The following TNRC18 variants were observed in gnomAD, a reference collection of about 807,000 sequenced individuals.
TNRC18 encodes trinucleotide repeat-containing gene 18 protein.
A neutral mutation model predicts 226.7 loss-of-function variants in TNRC18; 69 were observed. The ratio of observed to expected loss-of-function variants is 0.30; its 90% CI spans 0.25 to 0.37. TNRC18 has a LOEUF of 0.37. Ranked by LOEUF, TNRC18 falls within the 10% of genes least tolerant of loss-of-function variation. TNRC18 has a pLI of 1.00. For synonymous variants in TNRC18, 2,449 were observed against 1,927.6 expected, an observed-to-expected ratio of 1.27 and a Z score of -7.09; for missense variants, 4,754 against 4,256.6, an observed-to-expected ratio of 1.12 and a Z score of -3.25.
intron 25 of TNRC18, 111 bp from the exon 26 acceptor site, chr7:5,315,259 C>A: frequency 8.2e-7 from 1 of 1,225,360 alleles, no homozygotes; most frequent in African/African-American, 1.5e-5. Context: ...CAACCGACAC[C>A]AGGTGGCTGA....
intron 27 of TNRC18, among the ~76,000 whole-genome samples, chr7:5,310,876 G>A (rs1471110413): frequency 6.6e-6 from 1 of 152,262 alleles, no homozygotes; most frequent in Non-Finnish European, 1.5e-5. Context: ...ATATGTGCCT[G>A]TGTGTGCACA....
intron 15 of TNRC18, 105 bp downstream of exon 15, chr7:5,359,293 T>G: frequency 2.5e-6 from 3 of 1,198,256 alleles, no homozygotes; most frequent in Admixed American, 2.0e-5. Context: ...CTTCTAAGGT[T>G]TCTGTACAGG....
In TNRC18 at chr7:5,316,217, C is replaced by T. The variant is rs4236384; in HGVS notation, c.6746-145G>A. On this transcript the variant is annotated intron_variant, in intron 24 of 29. Transcript: ENST00000430969. Reference sequence around the variant, plus strand: ...GGGGACATGGGTGGAGGGTATACAGCGGCTCAGAATGTGGGTGTTAGAGCC... The same window carrying T: ...GGGGACATGGGTGGAGGGTATACAGTGGCTCAGAATGTGGGTGTTAGAGCC... 456,849 of 537,080 alleles carry T rather than the reference C, an allele frequency of 0.85. 194,474 individuals are homozygous for T. Among genetic ancestry groups the T allele is most frequent in the East Asian group, 0.97 (27,076 of 28,038 alleles). The allele number at this position is 537,080 out of a possible 1,614,324, so 33.3% of individuals were successfully genotyped here.
chr7:5,327,376 T>C (rs1345271327), intron 19 of TNRC18, among the ~76,000 whole-genome samples: 17 of 78,146 alleles, frequency 2.2e-4, no homozygotes, highest in African/African-American at 8.6e-4. Flanking sequence ...TTTGTGCGTG[T>C]GTGTGTGTGT....
Position 5,313,825 on chromosome 7 carries a change from C to T in TNRC18, c.7066G>A (p.Glu2356Lys), listed in dbSNP as rs540075583. 6.1e-5 allele frequency: 92 copies of T among 1,505,422 alleles called. 1 individual carries two copies. Among genetic ancestry groups the T allele is most frequent in the Non-Finnish European group, 3.5e-5 (39 of 1,127,464 alleles). The allele number at this position is 1,505,422 out of a possible 1,614,324, so 93.3% of individuals were successfully genotyped here. A position where few individuals can be genotyped will look rare whatever the true frequency, so the allele number is the denominator to read the frequency against. Residue 2356 changes from glutamate (E) to lysine (K), a missense_variant, in exon 27 of 30, where the codon GAG (glutamate) becomes AAG (lysine). Coordinates refer to ENST00000430969, the MANE Select transcript of TNRC18 (RefSeq NM_001080495.3). Reference protein sequence around the residue: ...ATLEEGNPTDEVPSTPLALEP... With the variant: ...ATLEEGNPTDKVPSTPLALEP... ...AGGGCTAAGGGGGTACTGGGGACCTCGTCTGTTGGGTTCCCCTCCTCCAGG... is the reference window on the plus strand; with the variant it reads ...AGGGCTAAGGGGGTACTGGGGACCTTGTCTGTTGGGTTCCCCTCCTCCAGG...
chr7:5,389,359 C>T, intron 4 of TNRC18, 23 bp from the exon 5 acceptor site: 1 of 1,251,982 alleles, frequency 8.0e-7, no homozygotes, highest in Non-Finnish European at 1.0e-6. Context: ...GAACAGCAGG[C>T]AGTGAGCGAG....
chr7:5,330,269 G>C (rs1437855860), intron 19 of TNRC18, among the ~76,000 whole-genome samples: 1 of 152,080 alleles, frequency 6.6e-6, no homozygotes, highest in Non-Finnish European at 1.5e-5. Context: ...GGGTTCTGTT[G>C]CCTAGGCTGG....
intron 18 of TNRC18, among the ~76,000 whole-genome samples, chr7:5,336,571 G>C (rs142528782): frequency 0.015 from 1,910 of 126,780 alleles, 39 homozygotes; most frequent in Non-Finnish European, 0.017. Flanking sequence ...GCAAGACTCT[G>C]TCTCTACAAA....
chr7:5,324,227 C>T lies in TNRC18; in HGVS notation c.6429G>A (p.Arg2143=), dbSNP rs562487209. 5.0e-6 allele frequency: 8 copies of T among 1,606,872 alleles called. No individual in the cohort carries two copies. The African/African-American group carries it at 1.1e-4, about 21-fold the overall frequency. ...EHLPRGGAVE[R]PLTPAPRSCI... ...ACGGCCACTCACCCGGGGTCAGCGG[C>T]CGCTCCACAGCCCCGCCACGCGGCA... The change falls in exon 21 of 30, where the codon CGG becomes CGA. Residue 2143 remains arginine (R), a synonymous_variant. Coordinates refer to ENST00000430969, the MANE Select transcript of TNRC18 (RefSeq NM_001080495.3). The surrounding 1 kb of genome is among the most constrained non-coding windows in gnomAD (Gnocchi z 4.8).
intron 8 of TNRC18, 75 bp downstream of exon 8, chr7:5,376,772 G>T: frequency 6.5e-7 from 1 of 1,543,612 alleles, no homozygotes; most frequent in South Asian, 1.2e-5. Context: ...TCAGCAGGAA[G>T]CCCTTGGCAT....
intron 2 of TNRC18, among the ~76,000 whole-genome samples, chr7:5,416,585 G>C (rs1477498507): frequency 6.6e-6 from 1 of 151,136 alleles, no homozygotes; most frequent in Non-Finnish European, 1.5e-5. Flanking sequence ...GCCAGGCATG[G>C]TGGCTCATGC....
chr7:5,413,684 C>A (rs1282341185), intron 2 of TNRC18, among the ~76,000 whole-genome samples: 1 of 152,184 alleles, frequency 6.6e-6, no homozygotes. Flanking sequence ...GCATTCGCCA[C>A]CATGCCTAAC....
intron 18 of TNRC18, among the ~76,000 whole-genome samples, chr7:5,334,002 C>G (rs118187968): frequency 9.2e-5 from 14 of 152,178 alleles, no homozygotes; most frequent in African/African-American, 3.4e-4. Flanking sequence ...GTGAGTGAGG[C>G]GTAGATGGCA....
intron 5 of TNRC18, among the ~76,000 whole-genome samples, chr7:5,381,236 G>T (rs534816781): frequency 6.6e-6 from 1 of 152,162 alleles, no homozygotes; most frequent in East Asian, 1.9e-4. Context: ...CCCTGCGCTT[G>T]GCCGGGCCCC....
At position 5,387,846 on chromosome 7, in the gene TNRC18, T is replaced by C. The variant is rs1584022341; in HGVS notation, c.1978A>G (p.Ser660Gly). ...CCCTCGCGCCCGAAAGCTTTGGCGC[T>C]CTCGGGCCTCTCGGGGTCCCGCTTC... is the stretch of plus-strand genomic sequence containing the variant. ...QLKRDPERPE[S>G]AKAFGREGSG... The change falls in exon 5 of 30, where the codon AGC becomes GGC. Residue 660 changes from serine (S) to glycine (G), a missense_variant. Ser to Gly is a moderately conservative substitution (Grantham distance 56). Coordinates refer to ENST00000430969, the MANE Select transcript of TNRC18 (RefSeq NM_001080495.3). The C allele has an allele frequency of 6.2e-7, 1 of 1,600,998 alleles. No individual in the cohort carries two copies.
At chr7:5,379,443 A>T (rs1167212626) in intron 5 of TNRC18, among the ~76,000 whole-genome samples, 1 of 151,898 alleles carries the variant, frequency 6.6e-6, no homozygotes, top group Non-Finnish European at 1.5e-5. Flanking sequence ...CCCAAAGAAC[A>T]TTATCCACTT....
In TNRC18 at chr7:5,347,114, G is replaced by A. The variant is rs537757398; in HGVS notation, c.5471-1304C>T. On this transcript the variant is annotated intron_variant, in intron 17 of 29. Coordinates refer to ENST00000430969, the MANE Select transcript of TNRC18 (RefSeq NM_001080495.3). Reference sequence around the variant, plus strand: ...TCCCAGCCCTCTGAGAGGCTGAGGCGGGAAGATCTCTTGAGGCTAGGAGTT... The same window carrying A: ...TCCCAGCCCTCTGAGAGGCTGAGGCAGGAAGATCTCTTGAGGCTAGGAGTT... Among the ~76,000 whole-genome samples, 9 of 151,982 alleles carry A rather than the reference G, an allele frequency of 5.9e-5. No homozygotes were observed. In the South Asian group the frequency reaches 6.3e-4, roughly 11 times the overall value.
rs539275800 is a variant in TNRC18 at position 5,403,627 on chromosome 7, C to T, written c.188-9032G>A. Among the ~76,000 whole-genome samples the T allele has an allele frequency of 3.7e-3, 554 of 151,742 alleles. 6 individuals are homozygous for T. Among genetic ancestry groups the T allele is most frequent in the African/African-American group, 0.013 (532 of 41,396 alleles). On this transcript the variant is annotated intron_variant, in intron 2 of 29. Coordinates refer to ENST00000430969, the MANE Select transcript of TNRC18 (RefSeq NM_001080495.3). ...GCAACCTAGCAAGACCCCATCTATA[C>T]AAAAAAATTAAAAAATTAGCCAGGC...
chr7:5,325,034 C>A, intron 20 of TNRC18, 62 bp downstream of exon 20: 1 of 1,533,136 alleles, frequency 6.5e-7, no homozygotes, highest in Non-Finnish European at 8.8e-7. Context: ...AGCCCCCTGC[C>A]CTGACCACAG....
Sources: allele counts gnomAD v4.1 joint callset (sites outside exome capture counted in the v4.1 genomes callset), GRCh38; gene constraint gnomAD v4.1.1; non-coding constraint Gnocchi (gnomAD v3.1); transcripts MANE v1.5; gene names NCBI Gene and HGNC (gene_info 2026-07-23, HGNC 2026-07-21).